RNF208: variants seen among roughly 807,000 people sequenced by gnomAD.
RNF208 encodes ring finger protein 208.
RNF208 carries 7 observed loss-of-function variants against 15.2 expected under a neutral mutation model. That is an observed-to-expected ratio of 0.46 (90% CI 0.26 to 0.86). The LOEUF is 0.86. Ranked by LOEUF, RNF208 falls within the 40% of genes least tolerant of loss-of-function variation. The pLI is 0.16. For synonymous variants in RNF208, 211 were observed against 163.2 expected, an observed-to-expected ratio of 1.29 and a Z score of -2.23; for missense variants, 342 against 364.1, an observed-to-expected ratio of 0.94 and a Z score of 0.49.
Position 137,221,286 on chromosome 9 carries a change from G to T in RNF208, c.-74C>A. 9.1e-7 allele frequency: 1 copy of T among 1,098,734 alleles called. No homozygotes were observed. The highest frequency in any genetic ancestry group is 1.2e-6 in the Non-Finnish European group (1 of 821,094). The allele number at this position is 1,098,734 out of a possible 1,614,324, so 68.1% of individuals were successfully genotyped here. On this transcript the variant is annotated 5_prime_UTR_variant, in exon 2 of 2. Transcript: ENST00000391553. Reference sequence around the variant, plus strand: ...GTGGGGCTGGGGGGCAGGTGACAGGGCAGCATCCTGGTCCCGCCAGGCCTG... The same window carrying T: ...GTGGGGCTGGGGGGCAGGTGACAGGTCAGCATCCTGGTCCCGCCAGGCCTG...
At chr9:137,222,243 G>T (rs1011077998), upstream of RNF208, among the ~76,000 whole-genome samples, 1 of 146,314 alleles carries the variant, frequency 6.8e-6, no homozygotes, top group East Asian at 2.0e-4. Flanking sequence ...CGCGCTCTGC[G>T]GCGGAGGCGC....
chr9:137,222,295 C>A (rs1835882983), upstream of RNF208, among the ~76,000 whole-genome samples: 3 of 147,808 alleles, frequency 2.0e-5, no homozygotes, highest in Admixed American at 1.3e-4. Context: ...GCCCGCAGCG[C>A]CACCCCCCGT....
Position 137,221,245 on chromosome 9 carries a change from TGGGTGGGGGCGTTGTGTGG to T in RNF208, c.-52_-34del. ...TCTCCAGTCAGACTGGATGTTCGGG[TGGGTGGGGGCGTTGTGTGG>T]GGCTGGGGGGCAGGTGACAGGGCAG... is the stretch of plus-strand genomic sequence containing the variant. On this transcript the variant is annotated 5_prime_UTR_variant, in exon 2 of 2. The change abolishes the stop of an existing upstream ORF in the 5' untranslated region. Transcript: ENST00000391553. The T allele has an allele frequency of 3.9e-6, 1 of 254,654 alleles. No homozygotes were observed. Among genetic ancestry groups the T allele is most frequent in the Non-Finnish European group, 4.9e-6 (1 of 203,942 alleles). 15.8% of individuals were successfully genotyped at this position (254,654 alleles called of 1,614,324 possible).
chr9:137,221,274 G>GGC lies in RNF208; in HGVS notation c.-63_-62insGC. Reference sequence around the variant, plus strand: ...TGGGGGCGTTGTGTGGGGCTGGGGGGCAGGTGACAGGGCAGCATCCTGGTC... The same window carrying GGC: ...TGGGGGCGTTGTGTGGGGCTGGGGGGGCCAGGTGACAGGGCAGCATCCTGGTC... On this transcript the variant is annotated 5_prime_UTR_variant, in exon 2 of 2. The change abolishes the stop of an existing upstream ORF in the 5' untranslated region. Transcript: ENST00000391553. The GGC allele has an allele frequency of 2.0e-6, 2 of 981,934 alleles. No homozygotes were observed. Among genetic ancestry groups the GGC allele is most frequent in the East Asian group, 3.3e-5 (1 of 30,102 alleles). The allele number at this position is 981,934 out of a possible 1,614,324, so 60.8% of individuals were successfully genotyped here. A position where few individuals can be genotyped will look rare whatever the true frequency, so the allele number is the denominator to read the frequency against.
chr9:137,221,224 C>A lies in RNF208; in HGVS notation c.-12G>T. On this transcript the variant is annotated 5_prime_UTR_variant, in exon 2 of 2. Coordinates refer to ENST00000391553, the MANE Select transcript of RNF208 (RefSeq NM_031297.7). ...GGGTCAGAGGGCATCCGGCTGTCTCCAGTCAGACTGGATGTTCGGGTGGGT... is the reference window on the plus strand; with the variant it reads ...GGGTCAGAGGGCATCCGGCTGTCTCAAGTCAGACTGGATGTTCGGGTGGGT... The A allele has an allele frequency of 7.3e-7, 1 of 1,369,242 alleles. No homozygotes were observed. The highest frequency in any genetic ancestry group is 1.6e-5 in the South Asian group (1 of 63,578). The allele number at this position is 1,369,242 out of a possible 1,614,324, so 84.8% of individuals were successfully genotyped here.
upstream of RNF208, among the ~76,000 whole-genome samples, chr9:137,222,315 C>T (rs954384054): frequency 6.7e-6 from 1 of 148,858 alleles, no homozygotes; most frequent in Non-Finnish European, 1.5e-5. Context: ...TCTGGGGACC[C>T]GCGCGGGGTC....
At chr9:137,222,320 G>C (rs1409369348), upstream of RNF208, among the ~76,000 whole-genome samples, 1 of 149,128 alleles carries the variant, frequency 6.7e-6, no homozygotes, top group East Asian at 1.9e-4. Flanking sequence ...GGACCCGCGC[G>C]GGGTCCGCGG....
Position 137,220,530 on chromosome 9 carries a change from C to T in RNF208, c.683G>A (p.Gly228Glu). Reference protein sequence around the residue: ...ALTAPSGGQWGAEPEGSCYQT... With the variant: ...ALTAPSGGQWEAEPEGSCYQT... ...GTAGCAGCTGCCCTCGGGCTCAGCCCCCCACTGACCCCCGGATGGGGCCGT... is the reference window on the plus strand; with the variant it reads ...GTAGCAGCTGCCCTCGGGCTCAGCCTCCCACTGACCCCCGGATGGGGCCGT... Residue 228 changes from glycine (G) to glutamate (E), a missense_variant, in exon 2 of 2, where the codon GGG (glycine) becomes GAG (glutamate). Physicochemically the swap from Gly to Glu is moderately conservative, Grantham distance 98. Around this residue, in one of 3 missense-constraint regions of RNF208, gnomAD observed 59 missense variants for 52.4 expected, o/e 1.13. Transcript: ENST00000391553. 1 of 1,605,050 alleles carries T rather than the reference C, an allele frequency of 6.2e-7. No individual in the cohort carries two copies. The highest frequency in any genetic ancestry group is 8.5e-7 in the Non-Finnish European group (1 of 1,176,878).
At position 137,220,544 on chromosome 9, in the gene RNF208, G is replaced by A. The variant is rs376553675; in HGVS notation, c.669C>T (p.Ser223=). Residue 223 remains serine, a synonymous_variant, in exon 2 of 2, where the codon TCC becomes TCT. Coordinates refer to ENST00000391553, the MANE Select transcript of RNF208 (RefSeq NM_031297.7). Reference sequence around the variant, plus strand: ...CGGGCTCAGCCCCCCACTGACCCCCGGATGGGGCCGTCAGCGCCTCAGGCG... The same window carrying A: ...CGGGCTCAGCCCCCCACTGACCCCCAGATGGGGCCGTCAGCGCCTCAGGCG... ...RLPPEALTAP[S]GGQWGAEPEG... is the part of the protein sequence containing the mutation. 43 of 1,607,856 alleles carry A rather than the reference G, an allele frequency of 2.7e-5. No homozygotes were observed. The highest frequency in any genetic ancestry group is 2.3e-4 in the African/African-American group (17 of 74,916).
chr9:137,222,834 G>T (rs1400790093), upstream of RNF208, among the ~76,000 whole-genome samples: 1 of 152,206 alleles, frequency 6.6e-6, no homozygotes, highest in Non-Finnish European at 1.5e-5. Context: ...TGCCCGGACA[G>T]GGTGGCCCCT....
intron 1 of RNF208, among the ~76,000 whole-genome samples, 115 bp from the exon 2 acceptor site, chr9:137,221,853 G>C (rs1271069152): frequency 2.6e-5 from 4 of 151,856 alleles, no homozygotes; most frequent in South Asian, 2.1e-4. Flanking sequence ...GTGGGATCCC[G>C]ACCTCCGCGG....
chr9:137,223,070 G>A (rs1186119285), upstream of RNF208, among the ~76,000 whole-genome samples: 2 of 152,254 alleles, frequency 1.3e-5, no homozygotes, highest in Non-Finnish European at 2.9e-5. Flanking sequence ...GGACTGGCCA[G>A]ACCGCACCTG....
Position 137,220,805 on chromosome 9 carries a change from CGCCGCCGAAGAA to C in RNF208, c.396_407del (p.Ser133_Ala136del). ...TGGGGCACTCCAGGGGCTCGCCTGC[CGCCGCCGAAGAA>C]GCCGCCGAGGCCGAGGGGCCAGGCC... On this transcript the variant is annotated inframe_deletion, in exon 2 of 2. Transcript: ENST00000391553. 2 of 1,607,816 alleles carry C rather than the reference CGCCGCCGAAGAA, an allele frequency of 1.2e-6. No homozygotes were observed. Among genetic ancestry groups the C allele is most frequent in the Non-Finnish European group, 8.5e-7 (1 of 1,177,530 alleles).
rs1001341160 is a variant in RNF208, at chr9:137,220,823, C to G, written c.390G>C (p.Ser130=). ...QYVIRPGPSA[S]AASSAAAGEP... is the part of the protein sequence containing the mutation. ...CGCCTGCCGCCGCCGAAGAAGCCGC[C>G]GAGGCCGAGGGGCCAGGCCGAATCA... Residue 130 remains serine (S), a synonymous_variant, in exon 2 of 2, where the codon TCG becomes TCC. Coordinates refer to ENST00000391553, the MANE Select transcript of RNF208 (RefSeq NM_031297.7). 4 of 1,607,650 alleles carry G rather than the reference C, an allele frequency of 2.5e-6. No homozygotes were observed. Among genetic ancestry groups the G allele is most frequent in the East Asian group, 2.2e-5 (1 of 44,758 alleles).
chr9:137,221,140 G>A lies in RNF208; in HGVS notation c.73C>T (p.His25Tyr), dbSNP rs1385034930. The A allele has an allele frequency of 1.3e-6, 2 of 1,592,432 alleles. No individual in the cohort carries two copies. The highest frequency in any genetic ancestry group is 1.7e-6 in the Non-Finnish European group (2 of 1,168,036). ...ATGGCCTCCATCTTGAGGATGACAT[G>A]GGGACCCTTCAGGCAGGACATGAGG... Reference protein sequence around the residue: ...GLLMSCLKGPHVILKMEAMKI... With the variant: ...GLLMSCLKGPYVILKMEAMKI... The change falls in exon 2 of 2, where the codon CAT (histidine) becomes TAT (tyrosine). Residue 25 changes from histidine to tyrosine, a missense_variant. This residue lies in a region of RNF208 where 207 missense variants were observed against 193.7 expected (regional missense o/e 1.07). Transcript: ENST00000391553.
rs1835830277 is a variant in RNF208, at chr9:137,220,348, G to C, written c.*79C>G. The C allele has an allele frequency of 7.1e-7, 1 of 1,416,460 alleles. No homozygotes were observed. The highest frequency in any genetic ancestry group is 1.4e-5 in the African/African-American group (1 of 70,442). The allele number at this position is 1,416,460 out of a possible 1,614,324, so 87.7% of individuals were successfully genotyped here. A position where few individuals can be genotyped will look rare whatever the true frequency, so the allele number is the denominator to read the frequency against. On this transcript the variant is annotated 3_prime_UTR_variant, in exon 2 of 2. Transcript: ENST00000391553. ...AGCCATGGTGGGGAAGGAAGGGTCA[G>C]CGGGCGGCAGGGCAGGGCCGGGTCC...
At position 137,221,003 on chromosome 9, in the gene RNF208, T is replaced by G; in HGVS notation, c.210A>C (p.Thr70=). 1 of 1,574,548 alleles carries G rather than the reference T, an allele frequency of 6.4e-7. No individual in the cohort carries two copies. The highest frequency in any genetic ancestry group is 8.6e-7 in the Non-Finnish European group (1 of 1,158,652). ...CACAGGCCTGGTTGACAATGATCTC[T>G]GTGTCTGAGGGCCAGGCACGCTTGG... ...LAPKRAWPSD[T]EIIVNQACGG... is the part of the protein sequence containing the mutation. Residue 70 remains threonine (T), a synonymous_variant, in exon 2 of 2, where the codon ACA becomes ACC. Transcript: ENST00000391553.
Position 137,220,553 on chromosome 9 carries a change from C to A in RNF208, c.660G>T (p.Thr220=), listed in dbSNP as rs780715603. 6.2e-7 allele frequency: 1 copy of A among 1,609,368 alleles called. No homozygotes were observed. The highest frequency in any genetic ancestry group is 1.3e-5 in the African/African-American group (1 of 75,044). Residue 220 remains threonine, a synonymous_variant, in exon 2 of 2, where the codon ACG becomes ACT. Transcript: ENST00000391553. The stretch of plus-strand genomic sequence containing the variant: ...CCCCCCACTGACCCCCGGATGGGGC[C>A]GTCAGCGCCTCAGGCGGCAGGCGGC... The part of the protein sequence containing the change: ...ILSRLPPEAL[T]APSGGQWGAE...
rs1835881113 is a variant in RNF208 at position 137,222,179 on chromosome 9, C to T, written c.-717G>A. On this transcript the variant is annotated 5_prime_UTR_variant, in exon 1 of 2. Transcript: ENST00000391553. The stretch of plus-strand genomic sequence containing the variant: ...GGGGCGCGGGCGCGGGCGTGGGGCG[C>T]GGGGCGCGGGTTTCGGCACGGCGGC... Among the ~76,000 whole-genome samples the T allele has an allele frequency of 6.9e-6, 1 of 145,890 alleles. No individual in the cohort carries two copies. The highest frequency in any genetic ancestry group is 2.5e-5 in the African/African-American group (1 of 40,718).
Sources: allele counts gnomAD v4.1 joint callset (sites outside exome capture counted in the v4.1 genomes callset), GRCh38; gene constraint gnomAD v4.1.1; regional missense constraint gnomAD v4.1.1; transcripts MANE v1.5; gene names NCBI Gene and HGNC (gene_info 2026-07-23, HGNC 2026-07-21).